Variants in CPEB3 observed in about 807,000 individuals in gnomAD.
CPEB3 encodes the protein cytoplasmic polyadenylation element-binding protein 3.
In CPEB3, 20 loss-of-function variants were observed where a neutral mutation model predicts 67.2. The ratio of observed to expected loss-of-function variants is 0.30; its 90% confidence interval spans 0.21 to 0.43. The LOEUF is 0.43. Among genes scored for constraint, CPEB3 ranks in the 20% least tolerant of loss-of-function variants. The pLI, the probability that CPEB3 is intolerant of heterozygous loss-of-function variation, is 1.00. For synonymous variants in CPEB3, 376 were observed against 393.1 expected (o/e 0.96, Z 0.51); for missense variants, 746 against 968.6 (o/e 0.77, Z 3.05).
chr10:92,253,195 C>T (rs577628866), intron 1 of CPEB3, among the ~76,000 whole-genome samples: 1 of 152,172 alleles, frequency 6.6e-6, no homozygotes, highest in Admixed American at 6.5e-5. Flanking sequence ...GGCACGGTAG[C>T]TCACGCCTGT....
At chr10:92,228,020 G>C (rs1287563722) in intron 2 of CPEB3, among the ~76,000 whole-genome samples, 1 of 152,144 alleles carries the variant, frequency 6.6e-6, no homozygotes, top group African/African-American at 2.4e-5. Context: ...CTGAGTAGCT[G>C]GGACTACAGA....
At chr10:92,086,074 G>C (rs1843358002) in intron 8 of CPEB3, among the ~76,000 whole-genome samples, 1 of 152,110 alleles carries the variant, frequency 6.6e-6, no homozygotes, top group African/African-American at 2.4e-5. Context: ...AGATACTGGA[G>C]AGCCAAACGA....
At chr10:92,186,215 A>AC (rs1848681504) in intron 3 of CPEB3, among the ~76,000 whole-genome samples, 1 of 144,406 alleles carries the variant, frequency 6.9e-6, no homozygotes, top group Admixed American at 7.2e-5. Flanking sequence ...CCACAAAAAA[A>AC]AAAAAAATAC....
intron 2 of CPEB3, among the ~76,000 whole-genome samples, chr10:92,193,612 A>G (rs1012041529): frequency 6.6e-6 from 1 of 151,772 alleles, no homozygotes; most frequent in Non-Finnish European, 1.5e-5. Flanking sequence ...CACCATGCCC[A>G]GCTAATTAAA....
chr10:92,110,038 T>C (rs1321852877), intron 7 of CPEB3, among the ~76,000 whole-genome samples: 1 of 152,202 alleles, frequency 6.6e-6, no homozygotes, highest in Non-Finnish European at 1.5e-5. Context: ...AGAATGATTA[T>C]TCTTCCCATC....
rs563446028 is a variant in CPEB3 at position 92,205,073 on chromosome 10, C to T, written c.1006-12437G>A. The stretch of plus-strand genomic sequence containing the variant: ...CAAGCTGGTCTTGAACTCCTGACCT[C>T]AGGATCCACCCACCTTGGCCTCCCA... On this transcript the variant is annotated intron_variant, in intron 2 of 9. Transcript: ENST00000265997. 2.6e-5 allele frequency among the ~76,000 whole-genome samples: 4 copies of T among 152,228 alleles called. No individual in the cohort carries two copies. The South Asian group carries it at 8.3e-4, about 32-fold the overall frequency.
intron 9 of CPEB3, among the ~76,000 whole-genome samples, chr10:92,060,119 G>A (rs1334383658): frequency 1.2e-4 from 18 of 151,912 alleles, no homozygotes; most frequent in Admixed American, 8.5e-4. Flanking sequence ...CACTTTGGGA[G>A]GCCGAGGTGG....
At chr10:92,238,118 G>T (rs1851629193) in intron 2 of CPEB3, among the ~76,000 whole-genome samples, 2 of 152,152 alleles carry the variant, frequency 1.3e-5, no homozygotes, top group Admixed American at 1.3e-4. Context: ...ACTCCTCAAA[G>T]GATTTCTGCT....
chr10:92,103,501 G>A lies in CPEB3; in HGVS notation c.1572+7575C>T, dbSNP rs143883153. 8.5e-5 allele frequency among the ~76,000 whole-genome samples: 13 copies of A among 152,270 alleles called. No individual in the cohort carries two copies. In the East Asian group the frequency reaches 9.7e-4, roughly 11 times the overall value. On this transcript the variant is annotated intron_variant, in intron 7 of 9. Coordinates refer to ENST00000265997, the MANE Select transcript of CPEB3 (RefSeq NM_014912.5). ...TCCAGGTTTATAAAACAGTCTACACGTACTCTTTCTACTACAATCATGTTG... is the reference window on the plus strand; with the variant it reads ...TCCAGGTTTATAAAACAGTCTACACATACTCTTTCTACTACAATCATGTTG...
intron 8 of CPEB3, among the ~76,000 whole-genome samples, chr10:92,089,533 T>C (rs1843525251): frequency 1.3e-5 from 2 of 152,150 alleles, no homozygotes; most frequent in Non-Finnish European, 1.5e-5. Context: ...ACACCTGTAA[T>C]CCCAGCACTT....
At chr10:92,098,770 C>CTTTTTTT (rs984013045) in intron 7 of CPEB3, among the ~76,000 whole-genome samples, 95 of 124,534 alleles carry the variant, frequency 7.6e-4, no homozygotes, top group Non-Finnish European at 8.4e-4. Flanking sequence ...TTCTTTTTTT[C>CTTTTTTT]TTTTTTTTTT....
intron 9 of CPEB3, among the ~76,000 whole-genome samples, chr10:92,078,449 A>G (rs1361275708): frequency 6.6e-6 from 1 of 152,234 alleles, no homozygotes; most frequent in African/African-American, 2.4e-5. Context: ...AAGGAGTTAC[A>G]GATGAGGACC....
At chr10:92,195,348 T>C (rs774656061) in intron 2 of CPEB3, among the ~76,000 whole-genome samples, 16 of 152,330 alleles carry the variant, frequency 1.1e-4, no homozygotes, top group South Asian at 4.1e-4. Context: ...TTGGTCTCTA[T>C]ACAATCTAAG....
At chr10:92,269,801 G>A (rs1233336789) in intron 1 of CPEB3, among the ~76,000 whole-genome samples, 1 of 151,948 alleles carries the variant, frequency 6.6e-6, no homozygotes, top group Non-Finnish European at 1.5e-5. Context: ...CAGGTGATCC[G>A]CCCACCTCAG....
At chr10:92,208,146 A>C (rs1023491291) in intron 2 of CPEB3, among the ~76,000 whole-genome samples, 5 of 152,208 alleles carry the variant, frequency 3.3e-5, no homozygotes, top group Non-Finnish European at 7.4e-5. Context: ...ATAAATGGTA[A>C]TAGGAAGAAA....
intron 3 of CPEB3, among the ~76,000 whole-genome samples, chr10:92,184,851 GATAAGC>G (rs1848617312): frequency 6.6e-6 from 1 of 152,136 alleles, no homozygotes; most frequent in South Asian, 2.1e-4. Context: ...GCTCACCAAG[GATAAGC>G]ACTGTTAACA....
chr10:92,215,036 C>T (rs749603082), intron 2 of CPEB3, among the ~76,000 whole-genome samples: 4 of 148,388 alleles, frequency 2.7e-5, no homozygotes, highest in Non-Finnish European at 4.5e-5. Context: ...TTAGTGGAGG[C>T]GGGGTTTTGC....
chr10:92,209,025 T>C (rs114563975), intron 2 of CPEB3, among the ~76,000 whole-genome samples: 2,159 of 152,332 alleles, frequency 0.014, 54 homozygotes, highest in African/African-American at 0.048. Flanking sequence ...TCAGAGACTA[T>C]GCCTCACTTA....
At position 92,115,055 on chromosome 10, in the gene CPEB3, G is replaced by C. The variant is rs539464292; in HGVS notation, c.1454-3861C>G. On this transcript the variant is annotated intron_variant, in intron 6 of 9. Coordinates refer to ENST00000265997, the MANE Select transcript of CPEB3 (RefSeq NM_014912.5). ...CCTCTTCTCCGCCCCGGCGGCCGCG[G>C]GCGCGGGGGACGTCAGCGCTGCCAG... Among the ~76,000 whole-genome samples the C allele has an allele frequency of 4.6e-5, 7 of 152,348 alleles. No homozygotes were observed. The South Asian group carries it at 1.0e-3, about 23-fold the overall frequency.
Sources: allele counts gnomAD v4.1 joint callset (sites outside exome capture counted in the v4.1 genomes callset), GRCh38; gene constraint gnomAD v4.1.1; transcripts MANE v1.5; gene names NCBI Gene and HGNC (gene_info 2026-07-23, HGNC 2026-07-21).